The following CDC25C variants were observed in gnomAD, a reference collection of about 807,000 sequenced individuals.
The protein encoded by CDC25C is cell division cycle 25C, also known as M-phase inducer phosphatase 3.
A neutral mutation model predicts 52.5 loss-of-function variants in CDC25C; 48 were observed. The ratio of observed to expected loss-of-function variants is 0.91; its 90% CI spans 0.72 to 1.16. The LOEUF is 1.16. Ranked by LOEUF, CDC25C falls within the 50% of genes most tolerant of loss-of-function variation. The probability of loss-of-function intolerance (pLI) is 0.00; values close to 1 mark genes in which losing one functional copy is unlikely to be tolerated. For missense variants in CDC25C, 510 were observed against 566.1 expected (o/e 0.90, Z 1.01); for synonymous variants, 187 against 206.5 (o/e 0.91, Z 0.81).
rs1428166401 is a variant in CDC25C, at chr5:138,329,643, T to A, written c.199A>T (p.Thr67Ser). The A allele has an allele frequency of 1.1e-5, 18 of 1,602,952 alleles. No homozygotes were observed. In the South Asian group the frequency reaches 2.0e-4, roughly 18 times the overall value. The change falls in exon 3 of 14, where the codon ACC becomes TCC. Residue 67 changes from threonine (T) to serine (S), a missense_variant. Transcript: ENST00000323760. ...GAAAGATCGAGGCAACGTTTTGGGG[T>A]TCCTCTGTTGAGACATAATAGTACA... ...SANLSILSGGTPKRCLDLSNL... is the reference protein window; with the variant it reads ...SANLSILSGGSPKRCLDLSNL...
intron 2 of CDC25C, 79 bp from the exon 3 acceptor site, chr5:138,329,726 CTTTTT>C (rs71574413): frequency 6.6e-3 from 1,922 of 291,710 alleles, no homozygotes; most frequent in South Asian, 8.3e-3. Context: ...TCATCCTCTT[CTTTTT>C]TTTTTTTTTT....
chr5:138,318,990 G>A (rs1311424989), intron 7 of CDC25C, among the ~76,000 whole-genome samples: 3 of 152,162 alleles, frequency 2.0e-5, no homozygotes, highest in Non-Finnish European at 2.9e-5. Flanking sequence ...GGCTGTCTCT[G>A]TACCTCACTT....
chr5:138,326,434 C>T (rs186570215), intron 4 of CDC25C, among the ~76,000 whole-genome samples: 40 of 152,176 alleles, frequency 2.6e-4, no homozygotes, highest in Non-Finnish European at 1.2e-4. Context: ...CTCTGCCTCC[C>T]GGTTTCACGC....
rs1760339218 is a variant in CDC25C at position 138,331,090 on chromosome 5, G to A, written c.91C>T (p.Leu31=). The A allele has an allele frequency of 3.1e-6, 5 of 1,614,056 alleles. 1 individual carries two copies. In the Admixed American group the frequency reaches 8.3e-5, roughly 27 times the overall value. The change falls in exon 2 of 14, where the codon CTG becomes TTG. Residue 31 remains leucine, a synonymous_variant. Coordinates refer to ENST00000323760, the MANE Select transcript of CDC25C (RefSeq NM_001790.5). ...FRSNQRKMLN[L]LLERDTSFTV... ...AAGGAAGTGTCTCTCTCCAGGAGCA[G>A]GTTTAACATTTTCCTTTGATTAGAC...
At chr5:138,326,184 CCAA>C (rs1303252197) in intron 4 of CDC25C, 130 bp from the exon 5 acceptor site, 2 of 901,510 alleles carry the variant, frequency 2.2e-6, no homozygotes, top group Non-Finnish European at 3.7e-6. Context: ...TATGTCTCTT[CCAA>C]CAACAATACA....
intron 7 of CDC25C, among the ~76,000 whole-genome samples, chr5:138,295,228 A>G (rs115897993): frequency 6.6e-5 from 10 of 152,294 alleles, no homozygotes; most frequent in African/African-American, 2.4e-4. Context: ...TAATATAGTG[A>G]TAATTAAGGT....
chr5:138,303,263 A>C (rs1427916321), intron 7 of CDC25C, among the ~76,000 whole-genome samples: 1 of 152,178 alleles, frequency 6.6e-6, no homozygotes, highest in Non-Finnish European at 1.5e-5. Context: ...AGTAATTTTT[A>C]AGATTACAAA....
chr5:138,320,221 C>T (rs1759250958), intron 6 of CDC25C, among the ~76,000 whole-genome samples: 1 of 152,052 alleles, frequency 6.6e-6, no homozygotes, highest in African/African-American at 2.4e-5. Context: ...AGGAGAACTG[C>T]TTGAACCAGG....
intron 7 of CDC25C, among the ~76,000 whole-genome samples, chr5:138,296,532 T>A (rs1757194829): frequency 6.6e-6 from 1 of 152,076 alleles, no homozygotes; most frequent in African/African-American, 2.4e-5. Flanking sequence ...TGTCTCAGCC[T>A]CCTGAGTAGC....
intron 7 of CDC25C, among the ~76,000 whole-genome samples, chr5:138,296,221 T>C (rs2126682615): frequency 6.6e-6 from 1 of 152,182 alleles, no homozygotes; most frequent in African/African-American, 2.4e-5. Flanking sequence ...CCTACTCTTT[T>C]AGTTATTTTT....
chr5:138,292,031 T>C lies in CDC25C; in HGVS notation c.701A>G (p.Asp234Gly), dbSNP rs757723414. 22 of 1,613,630 alleles carry C rather than the reference T, an allele frequency of 1.4e-5. No individual in the cohort carries two copies. The East Asian group carries it at 4.0e-4, about 29-fold the overall frequency. Residue 234 changes from aspartate (D) to glycine (G), a missense_variant, in exon 8 of 14, where the codon GAC becomes GGC. Physicochemically the swap from Asp to Gly is moderately conservative, Grantham distance 94. Coordinates refer to ENST00000323760, the MANE Select transcript of CDC25C (RefSeq NM_001790.5). ...PRLKQVEKFKDNTIPDKVKKK... is the reference protein window; with the variant it reads ...PRLKQVEKFKGNTIPDKVKKK... ...TTTAACTTTATCTGGTATTGTGTTG[T>C]CCTTGAATTTTTCCACCTGCTTCAG...
intron 8 of CDC25C, among the ~76,000 whole-genome samples, chr5:138,291,132 TA>T (rs965858108): frequency 8.6e-5 from 13 of 151,958 alleles, no homozygotes; most frequent in Admixed American, 1.3e-4. Flanking sequence ...TTTTTTATTT[TA>T]TTTTTTTTTA....
chr5:138,300,195 A>G (rs1359425339), intron 7 of CDC25C, among the ~76,000 whole-genome samples: 1 of 152,116 alleles, frequency 6.6e-6, no homozygotes, highest in Non-Finnish European at 1.5e-5. Context: ...AAAGACTGAA[A>G]CCATGACCAG....
At chr5:138,319,618 A>T (rs895879446) in intron 6 of CDC25C, among the ~76,000 whole-genome samples, 2 of 152,200 alleles carry the variant, frequency 1.3e-5, no homozygotes, top group Non-Finnish European at 2.9e-5. Flanking sequence ...CAACCCACAA[A>T]ATGGGAGAAA....
At position 138,285,625 on chromosome 5, in the gene CDC25C, C is replaced by A; in HGVS notation, c.*67G>T. ...TCTTGGGTTTGGCCATCCAGAAGGC[C>A]TCTTTCTGCTCAGGGTTTCTGCAGT... On this transcript the variant is annotated 3_prime_UTR_variant, in exon 14 of 14. Coordinates refer to ENST00000323760, the MANE Select transcript of CDC25C (RefSeq NM_001790.5). 6.7e-7 allele frequency: 1 copy of A among 1,492,790 alleles called. No homozygotes were observed. The highest frequency in any genetic ancestry group is 9.2e-7 in the Non-Finnish European group (1 of 1,086,120). 92.5% of individuals were successfully genotyped at this position (1,492,790 alleles called of 1,614,324 possible).
At chr5:138,336,384 C>T (rs1760706107), upstream of CDC25C, among the ~76,000 whole-genome samples, 1 of 152,116 alleles carries the variant, frequency 6.6e-6, no homozygotes, top group Non-Finnish European at 1.5e-5. Context: ...CCGTCTGCCT[C>T]AGCCTCCCAA....
At chr5:138,308,676 T>G (rs1219106836) in intron 7 of CDC25C, among the ~76,000 whole-genome samples, 1 of 152,132 alleles carries the variant, frequency 6.6e-6, no homozygotes, top group Non-Finnish European at 1.5e-5. Context: ...ACACCCATCC[T>G]GCCTTCTTCA....
At chr5:138,309,130 A>G (rs903645307) in intron 7 of CDC25C, among the ~76,000 whole-genome samples, 14 of 152,084 alleles carry the variant, frequency 9.2e-5, no homozygotes, top group African/African-American at 3.1e-4. Flanking sequence ...CATTCTTACA[A>G]TGTCCACTGA....
At chr5:138,315,213 A>G (rs1758787098) in intron 7 of CDC25C, among the ~76,000 whole-genome samples, 1 of 152,016 alleles carries the variant, frequency 6.6e-6, no homozygotes. Context: ...ATAAACCACC[A>G]CGCCCAGCCT....
Sources: gnomAD v4.1 joint callset for allele counts (sites outside exome capture counted in the v4.1 genomes callset) on GRCh38, gnomAD v4.1.1 for gene constraint, MANE v1.5 for transcripts, NCBI Gene and HGNC (gene_info 2026-07-23, HGNC 2026-07-21) for gene names.